The following ZNF318 variants were observed in gnomAD, a reference collection of about 807,000 sequenced individuals.
ZNF318 encodes zinc finger protein 318.
Under a neutral mutation model 124.2 loss-of-function variants are expected in ZNF318, and 51 were observed. That is an observed-to-expected ratio of 0.41 (90% CI 0.33 to 0.52). ZNF318 has a LOEUF of 0.52. ZNF318 is among the 20% of genes least tolerant of loss of function. ZNF318 has a pLI of 0.23. For synonymous variants in ZNF318, 1,090 were observed against 1,040.7 expected, an observed-to-expected ratio of 1.05 and a Z score of -0.91; for missense variants, 2,815 against 2,811.2, an observed-to-expected ratio of 1.00 and a Z score of -0.03.
intron 6 of ZNF318, among the ~76,000 whole-genome samples, chr6:43,343,206 T>A (rs1581640362): frequency 6.6e-6 from 1 of 152,178 alleles, no homozygotes; most frequent in African/African-American, 2.4e-5. Flanking sequence ...CAAGGATGGG[T>A]AGGAGTCTCT....
intron 3 of ZNF318, among the ~76,000 whole-genome samples, chr6:43,356,850 T>C (rs909715243): frequency 4.6e-5 from 7 of 152,124 alleles, no homozygotes; most frequent in Non-Finnish European, 7.3e-5. Flanking sequence ...TACTCAAAGA[T>C]TGCCAAAGGA....
At chr6:43,364,507 T>C (rs1779733785) in intron 2 of ZNF318, among the ~76,000 whole-genome samples, 1 of 152,162 alleles carries the variant, frequency 6.6e-6, no homozygotes, top group African/African-American at 2.4e-5. Context: ...TGAAATTACA[T>C]TACATTGATT....
In ZNF318 at chr6:43,337,623, C is replaced by T; in HGVS notation, c.6375G>A (p.Gln2125=). The T allele has an allele frequency of 1.2e-5, 19 of 1,614,074 alleles. No homozygotes were observed. Among genetic ancestry groups the T allele is most frequent in the Non-Finnish European group, 1.4e-5 (17 of 1,180,010 alleles). ...TTCCTCCTGCTAACAGGTCAAGGGCCTGGTGTGTTCCCTCTAGGCCCCCCA... is the reference window on the plus strand; with the variant it reads ...TTCCTCCTGCTAACAGGTCAAGGGCTTGGTGTGTTCCCTCTAGGCCCCCCA... ...RGLGGLEGTH[Q]ALDLLAGGMM... The change falls in exon 10 of 10, where the codon CAG becomes CAA. Residue 2125 remains glutamine, a synonymous_variant. Coordinates refer to ENST00000361428, the MANE Select transcript of ZNF318 (RefSeq NM_014345.3).
chr6:43,340,984 A>T, intron 8 of ZNF318, 76 bp from the exon 9 acceptor site: 1 of 1,071,710 alleles, frequency 9.3e-7, no homozygotes, highest in East Asian at 2.4e-5. Context: ...AAATCCCACC[A>T]CCCCTTTGCA....
At chr6:43,341,215 A>G (rs1779370067) in intron 8 of ZNF318, among the ~76,000 whole-genome samples, 10 of 152,218 alleles carry the variant, frequency 6.6e-5, no homozygotes, top group Admixed American at 6.5e-4. Context: ...CAAGCATCTC[A>G]GGAAATATAA....
At chr6:43,352,200 T>A (rs1184713315) in intron 5 of ZNF318, among the ~76,000 whole-genome samples, 177 bp downstream of exon 5, 1 of 152,024 alleles carries the variant, frequency 6.6e-6, no homozygotes, top group Non-Finnish European at 1.5e-5. Flanking sequence ...CACCATCATC[T>A]GGGAGAAGAG....
At chr6:43,349,588 A>G (rs1217766166) in intron 5 of ZNF318, among the ~76,000 whole-genome samples, 1 of 152,124 alleles carries the variant, frequency 6.6e-6, no homozygotes, top group African/African-American at 2.4e-5. Context: ...CTCACAGGAT[A>G]AATAACTCAA....
intron 6 of ZNF318, among the ~76,000 whole-genome samples, chr6:43,347,523 C>G (rs768649126): frequency 6.6e-6 from 1 of 152,066 alleles, no homozygotes; most frequent in Non-Finnish European, 1.5e-5. Flanking sequence ...TGAAAACTGT[C>G]GGACAGTATG....
At chr6:43,353,376 CTT>C (rs11435695) in intron 4 of ZNF318, among the ~76,000 whole-genome samples, 5 of 142,048 alleles carry the variant, frequency 3.5e-5, no homozygotes, top group African/African-American at 5.1e-5. Context: ...TTCTTCAGAA[CTT>C]TTTTTTTTTT....
intron 9 of ZNF318, 57 bp from the exon 10 acceptor site, chr6:43,340,559 C>A (rs1779360817): frequency 1.1e-5 from 17 of 1,513,998 alleles, no homozygotes; most frequent in Non-Finnish European, 1.3e-5. Context: ...AGAAAAAAAT[C>A]TTGGCCCCGC....
chr6:43,340,992 G>T, intron 8 of ZNF318, 84 bp from the exon 9 acceptor site: 1 of 1,003,852 alleles, frequency 1.0e-6, no homozygotes, highest in Non-Finnish European at 1.6e-6. Context: ...CCACCCCTTT[G>T]CAGTAAAATG....
At position 43,365,357 on chromosome 6, in the gene ZNF318, T is replaced by C; in HGVS notation, c.483A>G (p.Thr161=). 1 of 1,614,210 alleles carries C rather than the reference T, an allele frequency of 6.2e-7. No individual in the cohort carries two copies. The highest frequency in any genetic ancestry group is 8.5e-7 in the Non-Finnish European group (1 of 1,180,034). ...GATCACTAAGCCGTCGCCGTTCTGG[T>C]GTGCTAACACAGAAGTGGTCATTGC... is the stretch of plus-strand genomic sequence containing the variant. ...TVGNDHFCVS[T]PERRRLSDRL... The change falls in exon 2 of 10, where the codon ACA becomes ACG. Residue 161 remains threonine, a synonymous_variant. Coordinates refer to ENST00000361428, the MANE Select transcript of ZNF318 (RefSeq NM_014345.3).
intron 2 of ZNF318, chr6:43,363,597 G>T: frequency 2.6e-6 from 1 of 379,496 alleles, no homozygotes; most frequent in Non-Finnish European, 4.8e-6. Flanking sequence ...ATAAGGAGTG[G>T]ATGCCTGTCA....
intron 6 of ZNF318, 132 bp downstream of exon 6, chr6:43,348,192 T>C: frequency 1.1e-6 from 1 of 916,528 alleles, no homozygotes; most frequent in Non-Finnish European, 1.7e-6. Context: ...TACCACACTC[T>C]GATCTATACT....
chr6:43,356,452 A>T (rs1041548474), intron 3 of ZNF318, among the ~76,000 whole-genome samples: 1 of 152,226 alleles, frequency 6.6e-6, no homozygotes, highest in East Asian at 1.9e-4. Flanking sequence ...TTTTCTATGG[A>T]TCCCCAAAAG....
In ZNF318 at chr6:43,339,639, T is replaced by C; in HGVS notation, c.4359A>G (p.Pro1453=). The C allele has an allele frequency of 1.8e-6, 2 of 1,124,252 alleles. No individual in the cohort carries two copies. The highest frequency in any genetic ancestry group is 1.3e-5 in the South Asian group (1 of 78,160). 69.6% of individuals were successfully genotyped at this position (1,124,252 alleles called of 1,614,324 possible). ...PPPPPPPPPP[P]PPPVIPHPAA... ...CTGGATGAGGTATAACGGGGGGTGG[T>C]GGAGGTGGTGGAGGTGGGGGTGGTG... The change falls in exon 10 of 10, where the codon CCA becomes CCG. Residue 1453 remains proline, a synonymous_variant. Transcript: ENST00000361428. The surrounding 1 kb of genome is among the most constrained non-coding windows in gnomAD (Gnocchi z 4.2).
At chr6:43,361,790 T>C (rs1054796682) in intron 2 of ZNF318, among the ~76,000 whole-genome samples, 1 of 152,060 alleles carries the variant, frequency 6.6e-6, no homozygotes, top group Non-Finnish European at 1.5e-5. Context: ...TTGGCTATCA[T>C]CCAAACCTGA....
At position 43,357,592 on chromosome 6, in the gene ZNF318, C is replaced by A. The variant is rs764864148; in HGVS notation, c.722G>T (p.Ser241Ile). 5 of 1,614,118 alleles carry A rather than the reference C, an allele frequency of 3.1e-6. No individual in the cohort carries two copies. The highest frequency in any genetic ancestry group is 3.4e-6 in the Non-Finnish European group (4 of 1,180,026). ...LHRSDYSPHI[S>I]CHDELLRGTE... ...TCCCCGCAACAGCTCATCATGACAA[C>A]TGATATGGGGACTATAATCAGATCG... Residue 241 changes from serine to isoleucine, a missense_variant, in exon 3 of 10, where the codon AGT becomes ATT. Ser to Ile is a moderately radical substitution (Grantham distance 142). Coordinates refer to ENST00000361428, the MANE Select transcript of ZNF318 (RefSeq NM_014345.3).
chr6:43,352,256 T>TCACCACCATC (rs1554194964), intron 5 of ZNF318, 121 bp downstream of exon 5: 74 of 723,648 alleles, frequency 1.0e-4, no homozygotes, highest in Middle Eastern at 7.4e-4. Context: ...TTTGTAAGTT[T>TCACCACCATC]AATTACGTCA....
Sources: allele counts gnomAD v4.1 joint callset (sites outside exome capture counted in the v4.1 genomes callset), GRCh38; gene constraint gnomAD v4.1.1; non-coding constraint Gnocchi (gnomAD v3.1); transcripts MANE v1.5; gene names NCBI Gene and HGNC (gene_info 2026-07-23, HGNC 2026-07-21).